ADGRL4: variants seen among roughly 807,000 people sequenced by gnomAD.
ADGRL4 encodes adhesion G protein-coupled receptor L4.
ADGRL4 carries 90 observed loss-of-function variants against 74.8 expected under a neutral mutation model. That is an observed-to-expected ratio of 1.20 (90% CI 1.02 to 1.43). ADGRL4 has a LOEUF of 1.43. Among genes scored for constraint, ADGRL4 ranks in the 40% most tolerant of loss-of-function variants. ADGRL4 has a pLI of 0.00. For missense variants in ADGRL4, 881 were observed against 814.3 expected (o/e 1.08, Z -1.00); for synonymous variants, 311 against 279.2 (o/e 1.11, Z -1.14).
intron 2 of ADGRL4, among the ~76,000 whole-genome samples, chr1:78,973,026 T>C (rs761869988): frequency 8.5e-5 from 13 of 152,210 alleles, no homozygotes; most frequent in Non-Finnish European, 1.3e-4. Flanking sequence ...GGTGGTACCC[T>C]TAGGCTGTTA....
At chr1:78,917,451 T>A (rs1314890383) in intron 12 of ADGRL4, among the ~76,000 whole-genome samples, 183 bp downstream of exon 12, 1 of 151,034 alleles carries the variant, frequency 6.6e-6, no homozygotes, top group Non-Finnish European at 1.5e-5. Context: ...GTATAAAAGC[T>A]ATACATGATT....
rs1307588632 is a variant in ADGRL4, at chr1:78,903,664, G to A, written c.1750-10475C>T. ...AAGTCAGGTACTATTGGCCGGGCGC[G>A]GTGGCTCACGCCTGTAATCTCAACA... On this transcript the variant is annotated intron_variant, in intron 12 of 14. Coordinates refer to ENST00000370742, the MANE Select transcript of ADGRL4 (RefSeq NM_022159.4). Among the ~76,000 whole-genome samples the A allele has an allele frequency of 4.6e-5, 7 of 152,014 alleles. No individual in the cohort carries two copies. The South Asian group carries it at 6.2e-4, about 14-fold the overall frequency.
intron 2 of ADGRL4, among the ~76,000 whole-genome samples, chr1:78,954,211 A>G (rs17413959): frequency 0.1 from 15,533 of 152,190 alleles, 1,016 homozygotes; most frequent in Non-Finnish European, 0.15. Flanking sequence ...GGTTCATATT[A>G]CTTTAGTTAG....
At chr1:78,909,622 TATTTTTATTATCTACCTCAGTAG>T (rs1334972305) in intron 12 of ADGRL4, among the ~76,000 whole-genome samples, 1 of 151,908 alleles carries the variant, frequency 6.6e-6, no homozygotes, top group Non-Finnish European at 1.5e-5. Flanking sequence ...TCGAACCATT[TATTTTTATTATCTACCTCAGTAG>T]ATAATAATAT....
intron 2 of ADGRL4, among the ~76,000 whole-genome samples, chr1:78,996,404 A>G (rs1650715688): frequency 6.6e-6 from 1 of 152,212 alleles, no homozygotes; most frequent in South Asian, 2.1e-4. Flanking sequence ...TATAAATAAA[A>G]GTGACAGGTT....
chr1:78,997,559 T>C (rs980657598), intron 2 of ADGRL4, among the ~76,000 whole-genome samples: 8 of 152,216 alleles, frequency 5.3e-5, no homozygotes, highest in Non-Finnish European at 8.8e-5. Flanking sequence ...CTTTTGTACA[T>C]AGAAGCCTCT....
chr1:78,959,603 C>A (rs1297230091), intron 2 of ADGRL4, among the ~76,000 whole-genome samples: 2 of 152,180 alleles, frequency 1.3e-5, no homozygotes, highest in Non-Finnish European at 2.9e-5. Flanking sequence ...GACTGGTGGA[C>A]TGCCTGATCT....
At chr1:78,985,099 A>T (rs1650466829) in intron 2 of ADGRL4, among the ~76,000 whole-genome samples, 1 of 151,594 alleles carries the variant, frequency 6.6e-6, no homozygotes. Flanking sequence ...AATTATTTCC[A>T]TTTCATTTTA....
rs904984531 is a variant in ADGRL4, at chr1:78,904,739, T to G, written c.1750-11550A>C. 2.0e-5 allele frequency among the ~76,000 whole-genome samples: 3 copies of G among 152,142 alleles called. No individual in the cohort carries two copies. In the East Asian group the frequency reaches 5.8e-4, roughly 29 times the overall value. On this transcript the variant is annotated intron_variant, in intron 12 of 14. Coordinates refer to ENST00000370742, the MANE Select transcript of ADGRL4 (RefSeq NM_022159.4). ...GTTTTCATACTTACAAGAAGATTAA[T>G]ATATTTAGTTATTTGTGTCTTACTT... is the stretch of plus-strand genomic sequence containing the variant.
At chr1:78,945,196 A>ATATATATATATATATC (rs1553136479) in intron 3 of ADGRL4, among the ~76,000 whole-genome samples, 7 of 148,268 alleles carry the variant, frequency 4.7e-5, no homozygotes, top group African/African-American at 1.7e-4. Flanking sequence ...ATATATATAT[A>ATATATATATATATATC]TCTCAATAGG....
At chr1:78,989,916 C>A (rs1650571176) in intron 2 of ADGRL4, among the ~76,000 whole-genome samples, 2 of 151,854 alleles carry the variant, frequency 1.3e-5, no homozygotes, top group Non-Finnish European at 2.9e-5. Context: ...CTGGTAGATG[C>A]CAGGACCAGG....
At chr1:78,904,461 T>C (rs779544009) in intron 12 of ADGRL4, among the ~76,000 whole-genome samples, 1 of 152,088 alleles carries the variant, frequency 6.6e-6, no homozygotes. Flanking sequence ...TTTTAAAGTA[T>C]GTTTTACAAT....
chr1:78,923,096 G>C (rs1442241539), intron 8 of ADGRL4, among the ~76,000 whole-genome samples: 1 of 151,942 alleles, frequency 6.6e-6, no homozygotes, highest in Non-Finnish European at 1.5e-5. Context: ...GTTTGTCAAG[G>C]AGGTCAAGCT....
intron 2 of ADGRL4, among the ~76,000 whole-genome samples, chr1:78,976,915 C>T (rs1650296072): frequency 1.3e-5 from 2 of 151,648 alleles, no homozygotes; most frequent in Admixed American, 1.3e-4. Flanking sequence ...AAATCCTTTC[C>T]ATTTTATCCT....
At chr1:78,939,475 A>C (rs1030107132) in intron 3 of ADGRL4, among the ~76,000 whole-genome samples, 2 of 152,128 alleles carry the variant, frequency 1.3e-5, no homozygotes, top group African/African-American at 4.8e-5. Flanking sequence ...ATAAAATATT[A>C]TCTACAATTT....
chr1:78,938,126 C>G lies in ADGRL4; in HGVS notation c.550G>C (p.Asp184His), dbSNP rs1266211820. ...GYKNNTISAK[D>H]TLSNSTLTEF... is the part of the protein sequence containing the mutation. Reference sequence around the variant, plus strand: ...GTAAGAGTTGAGTTAGAAAGGGTGTCCTTGGCTGAGATAGTGTTGTTCTTG... The same window carrying G: ...GTAAGAGTTGAGTTAGAAAGGGTGTGCTTGGCTGAGATAGTGTTGTTCTTG... Residue 184 changes from aspartate (D) to histidine (H), a missense_variant, in exon 5 of 15, where the codon GAC becomes CAC. By Grantham distance (81) the Asp-to-His change is moderately conservative. Coordinates refer to ENST00000370742, the MANE Select transcript of ADGRL4 (RefSeq NM_022159.4). 1 of 1,612,868 alleles carries G rather than the reference C, an allele frequency of 6.2e-7. No homozygotes were observed. Among genetic ancestry groups the G allele is most frequent in the Non-Finnish European group, 8.5e-7 (1 of 1,179,656 alleles).
chr1:78,922,070 C>T (rs984375653), intron 8 of ADGRL4, among the ~76,000 whole-genome samples: 2 of 151,952 alleles, frequency 1.3e-5, no homozygotes, highest in Non-Finnish European at 2.9e-5. Flanking sequence ...TTATTCAATA[C>T]AAGTTTGTTG....
At chr1:78,989,323 T>C (rs1233135120) in intron 2 of ADGRL4, among the ~76,000 whole-genome samples, 1 of 151,838 alleles carries the variant, frequency 6.6e-6, no homozygotes, top group African/African-American at 2.4e-5. Context: ...TTAGGAAAAG[T>C]TAGTTCACAG....
intron 2 of ADGRL4, among the ~76,000 whole-genome samples, chr1:78,953,337 G>T (rs1649767895): frequency 6.6e-6 from 1 of 152,002 alleles, no homozygotes; most frequent in Non-Finnish European, 1.5e-5. Flanking sequence ...ATTGAATTTT[G>T]TTTCTAATCA....
Sources: allele counts gnomAD v4.1 joint callset (sites outside exome capture counted in the v4.1 genomes callset), GRCh38; gene constraint gnomAD v4.1.1; transcripts MANE v1.5; gene names NCBI Gene and HGNC (gene_info 2026-07-23, HGNC 2026-07-21).